RPS29: variants seen among roughly 807,000 people sequenced by gnomAD.
RPS29 encodes ribosomal protein S29.
For synonymous variants in RPS29, 37 were observed against 26.9 expected (o/e 1.37, Z -1.16); for missense variants, 60 against 75.7 (o/e 0.79, Z 0.77).
exon 3 of RPS29, chr14:49,575,623 G>T (rs1290438577): frequency 5.3e-5 from 8 of 152,204 alleles, no homozygotes. Flanking sequence ...AGGAAGGGAG[G>T]ATTGCATGAG....
intron 1 of RPS29, among the ~76,000 whole-genome samples, chr14:49,595,895 C>T (rs143461991): frequency 0.015 from 2,315 of 152,094 alleles, 32 homozygotes; most frequent in Non-Finnish European, 0.019. Flanking sequence ...CACCTGTAAT[C>T]CCAGCTACTC....
chr14:49,581,659 G>C (rs1261994500), downstream of RPS29, among the ~76,000 whole-genome samples: 1 of 152,078 alleles, frequency 6.6e-6, no homozygotes, highest in Non-Finnish European at 1.5e-5. Flanking sequence ...GAATACAGGA[G>C]TGAGCCACTA....
chr14:49,578,440 T>G (rs1007128032), intron 2 of RPS29, among the ~76,000 whole-genome samples: 1 of 152,182 alleles, frequency 6.6e-6, no homozygotes, highest in Non-Finnish European at 1.5e-5. Context: ...CTGATTTTTT[T>G]CCCTGTGTAC....
chr14:49,594,128 T>G (rs1296247468), intron 1 of RPS29, among the ~76,000 whole-genome samples: 7 of 152,182 alleles, frequency 4.6e-5, no homozygotes, highest in African/African-American at 1.7e-4. Context: ...AGGATATCCC[T>G]CTACAAATTT....
chr14:49,579,838 T>C (rs1881286608), downstream of RPS29, among the ~76,000 whole-genome samples: 2 of 152,238 alleles, frequency 1.3e-5, no homozygotes, highest in African/African-American at 2.4e-5. Context: ...ATTAAGAGCA[T>C]AGGCACTGAT....
downstream of RPS29, among the ~76,000 whole-genome samples, chr14:49,582,244 C>T (rs1881361626): frequency 6.6e-6 from 1 of 152,156 alleles, no homozygotes; most frequent in Non-Finnish European, 1.5e-5. Context: ...ACCTGGACAG[C>T]ATAGTAATAC....
At chr14:49,589,322 G>T (rs1381916497), upstream of RPS29, among the ~76,000 whole-genome samples, 4 of 151,822 alleles carry the variant, frequency 2.6e-5, no homozygotes, top group Non-Finnish European at 5.9e-5. Flanking sequence ...AAAAAAAAGT[G>T]CCATAATGTC....
upstream of RPS29, among the ~76,000 whole-genome samples, chr14:49,589,411 A>G (rs908618297): frequency 6.6e-6 from 1 of 152,252 alleles, no homozygotes; most frequent in Admixed American, 6.5e-5. Context: ...GCATTCTAAC[A>G]CTGCAAAGTA....
At chr14:49,583,530 TA>T, downstream of RPS29, 1 of 887,764 alleles carries the variant, frequency 1.1e-6, no homozygotes, top group Non-Finnish European at 1.7e-6. Flanking sequence ...AAGATTTCTA[TA>T]AACAATTAGC....
exon 3 of RPS29, chr14:49,571,796 T>C (rs2139496951): frequency 6.6e-6 from 1 of 152,296 alleles, no homozygotes; most frequent in Admixed American, 6.5e-5. Flanking sequence ...TCCTAGACCT[T>C]ACTTTATGTG....
intron 2 of RPS29, among the ~76,000 whole-genome samples, chr14:49,584,024 C>T (rs1371867267): frequency 3.3e-5 from 5 of 152,160 alleles, no homozygotes; most frequent in Non-Finnish European, 5.9e-5. Context: ...CGCTGTCTCC[C>T]GGACTGGAGT....
chr14:49,583,782 C>T (rs918847176), intron 2 of RPS29, 107 bp from the exon 3 acceptor site: 2 of 715,918 alleles, frequency 2.8e-6, no homozygotes, highest in African/African-American at 3.6e-5. Context: ...CAGAACTGGA[C>T]CTTTGACCTA....
At chr14:49,592,063 T>C (rs1440660748) in intron 1 of RPS29, among the ~76,000 whole-genome samples, 4 of 152,154 alleles carry the variant, frequency 2.6e-5, no homozygotes, top group Non-Finnish European at 5.9e-5. Context: ...TTTTAATCCA[T>C]TGGTAAGCTA....
chr14:49,590,153 T>G (rs1319533494), upstream of RPS29, among the ~76,000 whole-genome samples: 2 of 152,184 alleles, frequency 1.3e-5, no homozygotes, highest in Non-Finnish European at 2.9e-5. Context: ...AGAACCAACC[T>G]GTACATGTTT....
chr14:49,586,390 C>A (rs1478387632), upstream of RPS29: 14 of 1,545,016 alleles, frequency 9.1e-6, no homozygotes, highest in Non-Finnish European at 1.1e-5. Context: ...GAAGCTGGCC[C>A]ACGCATGCGC....
intron 1 of RPS29, among the ~76,000 whole-genome samples, chr14:49,593,326 A>C (rs917505040): frequency 3.3e-5 from 5 of 152,242 alleles, no homozygotes; most frequent in Non-Finnish European, 1.5e-5. Context: ...CGGTGAAGAT[A>C]AGCATTAAAT....
At chr14:49,596,967 T>G (rs1395542880) in intron 1 of RPS29, among the ~76,000 whole-genome samples, 2 of 148,424 alleles carry the variant, frequency 1.3e-5, no homozygotes, top group East Asian at 2.0e-4. Flanking sequence ...CAGGCTGGAG[T>G]GCAGTGGCAC....
exon 3 of RPS29, chr14:49,574,309 T>G (rs776428390): frequency 2.0e-5 from 3 of 152,226 alleles, no homozygotes; most frequent in Non-Finnish European, 2.9e-5. Flanking sequence ...GTACTTACAC[T>G]CTTACAACAT....
At chr14:49,592,556 G>A (rs899164105) in intron 1 of RPS29, among the ~76,000 whole-genome samples, 4 of 151,282 alleles carry the variant, frequency 2.6e-5, no homozygotes, top group African/African-American at 7.3e-5. Context: ...TAGTAGAGAC[G>A]GGGTTTCTCC....
Sources: gnomAD v4.1 joint callset for allele counts (sites outside exome capture counted in the v4.1 genomes callset) on GRCh38, gnomAD v4.1.1 for gene constraint, MANE v1.5 for transcripts, NCBI Gene and HGNC (gene_info 2026-07-23, HGNC 2026-07-21) for gene names.